The following ANO3 variants were observed in gnomAD, a reference collection of about 807,000 sequenced individuals.
The protein encoded by ANO3 is anoctamin-3.
ANO3 carries 99 observed loss-of-function variants against 144.8 expected under a neutral mutation model. The ratio of observed to expected loss-of-function variants is 0.68; its 90% CI spans 0.58 to 0.81. The LOEUF is 0.81. Ranked by LOEUF, ANO3 falls within the 30% of genes least tolerant of loss-of-function variation. ANO3 has a pLI of 0.00. For missense variants in ANO3, 905 were observed against 1,202.2 expected (o/e 0.75, Z 3.66); for synonymous variants, 414 against 392.6 (o/e 1.05, Z -0.64).
At chr11:26,471,997 A>G (rs1221857028) in intron 4 of ANO3, among the ~76,000 whole-genome samples, 1 of 151,994 alleles carries the variant, frequency 6.6e-6, no homozygotes, top group Non-Finnish European at 1.5e-5. Context: ...GAGAGCTGCA[A>G]TAACTTCTCT....
intron 4 of ANO3, among the ~76,000 whole-genome samples, chr11:26,472,787 T>G (rs1184999795): frequency 1.3e-5 from 2 of 151,942 alleles, no homozygotes; most frequent in East Asian, 3.9e-4. Flanking sequence ...CCATGTCATC[T>G]TTCTCCATGT....
At chr11:26,202,990 CAG>C in intron 1 of ANO3, among the ~76,000 whole-genome samples, 2 of 152,152 alleles carry the variant, frequency 1.3e-5, no homozygotes, top group South Asian at 4.1e-4. Flanking sequence ...TTGTGTGAGA[CAG>C]AGATGGAAAA....
chr11:26,536,723 TATTA>T (rs1472702175), intron 9 of ANO3, among the ~76,000 whole-genome samples: 1 of 152,152 alleles, frequency 6.6e-6, no homozygotes, highest in Non-Finnish European at 1.5e-5. Flanking sequence ...ATCAAATCAC[TATTA>T]TTTACTATGT....
intron 21 of ANO3, among the ~76,000 whole-genome samples, chr11:26,641,405 T>C (rs896409915): frequency 2.0e-5 from 3 of 152,176 alleles, no homozygotes; most frequent in Non-Finnish European, 4.4e-5. Context: ...GTCAATTAGT[T>C]TATGTGAAAC....
At chr11:26,512,856 A>C (rs372479286) in intron 5 of ANO3, among the ~76,000 whole-genome samples, 4 of 152,256 alleles carry the variant, frequency 2.6e-5, no homozygotes, top group African/African-American at 9.6e-5. Context: ...GTCCAGGCTT[A>C]TTTGCTTTCT....
intron 1 of ANO3, among the ~76,000 whole-genome samples, chr11:26,361,737 T>A (rs1313376830): frequency 3.9e-5 from 6 of 152,154 alleles, no homozygotes; most frequent in Non-Finnish European, 7.4e-5. Context: ...CCAATAAATT[T>A]TCATCTTTAG....
chr11:26,210,795 G>T (rs1020579737), intron 1 of ANO3, among the ~76,000 whole-genome samples: 28 of 152,112 alleles, frequency 1.8e-4, no homozygotes, highest in African/African-American at 6.7e-4. Context: ...TCTATTATTG[G>T]TGTATAGGAA....
At position 26,510,267 on chromosome 11, in the gene ANO3, G is replaced by C. The variant is rs1159655248; in HGVS notation, c.591+2005G>C. 2.6e-5 allele frequency among the ~76,000 whole-genome samples: 4 copies of C among 151,750 alleles called. No homozygotes were observed. The East Asian group carries it at 7.7e-4, about 29-fold the overall frequency. On this transcript the variant is annotated intron_variant, in intron 5 of 26. Coordinates refer to ENST00000256737, the MANE Select transcript of ANO3 (RefSeq NM_031418.4). ...CAAGGAATTACTCACACACAACTTA[G>C]AGTTACAGAGCCCAGCAAGTAAAAT...
At chr11:26,497,471 TGA>T (rs1465038510) in intron 4 of ANO3, among the ~76,000 whole-genome samples, 2 of 152,112 alleles carry the variant, frequency 1.3e-5, no homozygotes. Flanking sequence ...CCAACCACAA[TGA>T]GATACTATCT....
chr11:26,660,248 A>G lies in ANO3; in HGVS notation c.2764-14A>G, dbSNP rs758599862. ...AATCTTTGAAAACTGTCCTTTTCAC[A>G]TTTAAATTTGCAGCACCTTGTTTTT... On this transcript the variant is annotated splice_polypyrimidine_tract_variant and intron_variant, in intron 26 of 26. Coordinates refer to ENST00000256737, the MANE Select transcript of ANO3 (RefSeq NM_031418.4). 6.2e-7 allele frequency: 1 copy of G among 1,612,038 alleles called. No individual in the cohort carries two copies.
chr11:26,197,650 C>A (rs2133909095), intron 1 of ANO3, among the ~76,000 whole-genome samples: 1 of 152,196 alleles, frequency 6.6e-6, no homozygotes. Flanking sequence ...CACACCAGGC[C>A]TAATATAGTT....
At chr11:26,534,989 AT>A (rs59003615) in intron 9 of ANO3, among the ~76,000 whole-genome samples, 106,991 of 151,786 alleles carry the variant, frequency 0.7, 38,079 homozygotes, top group East Asian at 0.84. Flanking sequence ...GTTATGTTTC[AT>A]TTATTTACTC....
At chr11:26,491,562 C>T (rs1860709812) in intron 4 of ANO3, among the ~76,000 whole-genome samples, 1 of 152,174 alleles carries the variant, frequency 6.6e-6, no homozygotes, top group Non-Finnish European at 1.5e-5. Context: ...AAAACAGAAG[C>T]AGCGTGTTAG....
intron 4 of ANO3, among the ~76,000 whole-genome samples, chr11:26,502,196 G>A (rs1028978699): frequency 1.3e-5 from 2 of 152,082 alleles, no homozygotes; most frequent in Admixed American, 6.6e-5. Context: ...AAGTAAAATC[G>A]CAATGTAAAT....
At chr11:26,619,807 T>C (rs1394604094) in intron 17 of ANO3, among the ~76,000 whole-genome samples, 2 of 152,308 alleles carry the variant, frequency 1.3e-5, no homozygotes, top group East Asian at 1.9e-4. Context: ...GAATCTCCTT[T>C]GTTGGGCTAA....
At chr11:26,205,914 A>G (rs892111688) in intron 1 of ANO3, among the ~76,000 whole-genome samples, 13 of 152,202 alleles carry the variant, frequency 8.5e-5, no homozygotes, top group African/African-American at 3.1e-4. Flanking sequence ...ACCTCTATAC[A>G]TGCAAAGGGT....
At chr11:26,450,041 C>A (rs1222453992) in intron 3 of ANO3, among the ~76,000 whole-genome samples, 1 of 152,172 alleles carries the variant, frequency 6.6e-6, no homozygotes, top group Non-Finnish European at 1.5e-5. Context: ...CAGGGGTGAG[C>A]CACTGTGCCC....
intron 1 of ANO3, among the ~76,000 whole-genome samples, chr11:26,234,646 A>G (rs1340991740): frequency 6.6e-6 from 1 of 152,206 alleles, no homozygotes; most frequent in Non-Finnish European, 1.5e-5. Flanking sequence ...CAGGTGATTC[A>G]TGATGTATGA....
intron 26 of ANO3, 60 bp downstream of exon 26, chr11:26,656,541 A>T: frequency 7.9e-6 from 9 of 1,141,104 alleles, no homozygotes; most frequent in Middle Eastern, 2.0e-4. Flanking sequence ...ATGATTTATC[A>T]GTTGCCTCTT....
Sources: gnomAD v4.1 joint callset for allele counts (sites outside exome capture counted in the v4.1 genomes callset) on GRCh38, gnomAD v4.1.1 for gene constraint, MANE v1.5 for transcripts, NCBI Gene and HGNC (gene_info 2026-07-23, HGNC 2026-07-21) for gene names.